FTCDNL1: variants seen among roughly 807,000 people sequenced by gnomAD.
The protein encoded by FTCDNL1 is formiminotransferase cyclodeaminase N-terminal like.
FTCDNL1 carries 11 observed loss-of-function variants against 5.9 expected under a neutral mutation model. That is an observed-to-expected ratio of 1.87 (90% CI 1.18 to 3.10). FTCDNL1 has a LOEUF of 3.10. Ranked by LOEUF, FTCDNL1 falls within the 30% of genes most tolerant of loss-of-function variation. The probability of loss-of-function intolerance (pLI) is 0.00; values close to 1 mark genes in which losing one functional copy is unlikely to be tolerated. For missense variants in FTCDNL1, 115 were observed against 65.5 expected, an observed-to-expected ratio of 1.76 and a Z score of -2.61; for synonymous variants, 58 against 24.8, an observed-to-expected ratio of 2.34 and a Z score of -3.99.
the FTCDNL1 span, among the ~76,000 whole-genome samples, chr2:199,738,284 C>A: frequency 3.9e-5 from 6 of 152,148 alleles, no homozygotes; most frequent in Non-Finnish European, 7.3e-5. Flanking sequence ...GAGATAAAAA[C>A]TACTGTTTTA....
the FTCDNL1 span, among the ~76,000 whole-genome samples, chr2:199,666,797 C>G: frequency 6.6e-6 from 1 of 151,936 alleles, no homozygotes; most frequent in Non-Finnish European, 1.5e-5. Context: ...TGCCTGTAAT[C>G]CCAGCTACTC....
intron 3 of FTCDNL1, among the ~76,000 whole-genome samples, chr2:199,801,882 G>A (rs1356770801): frequency 6.6e-6 from 1 of 150,874 alleles, no homozygotes; most frequent in Non-Finnish European, 1.5e-5. Context: ...AGCTTGCAGT[G>A]AGCCGAGATC....
intron 3 of FTCDNL1, among the ~76,000 whole-genome samples, chr2:199,840,800 TAGAA>T (rs1553553577): frequency 1.0e-4 from 15 of 148,942 alleles, no homozygotes; most frequent in Non-Finnish European, 2.1e-4. Flanking sequence ...TAAAAACAAA[TAGAA>T]AGAGAGGGAA....
chr2:199,706,500 T>C, the FTCDNL1 span, among the ~76,000 whole-genome samples: 1 of 152,212 alleles, frequency 6.6e-6, no homozygotes, highest in African/African-American at 2.4e-5. Context: ...GGTTAAACCA[T>C]TTTAACTACA....
chr2:199,717,909 C>G, the FTCDNL1 span, among the ~76,000 whole-genome samples: 3 of 149,948 alleles, frequency 2.0e-5, no homozygotes, highest in Non-Finnish European at 3.0e-5. Flanking sequence ...GACTCTCCAA[C>G]ATGCTACTTA....
In FTCDNL1 at chr2:199,840,752, A is replaced by G. The variant is rs79252301; in HGVS notation, c.211+5323T>C. On this transcript the variant is annotated intron_variant, in intron 3 of 4. Transcript: ENST00000420128. The stretch of plus-strand genomic sequence containing the variant: ...GAATTTTTAGAATAAACCCCCCTAC[A>G]GTATGTGATTTTTAGCTACATGCCT... 7.3e-4 allele frequency among the ~76,000 whole-genome samples: 111 copies of G among 152,266 alleles called. No homozygotes were observed. The East Asian group carries it at 0.02, about 28-fold the overall frequency.
rs1416936699 is a variant in FTCDNL1, at chr2:199,801,818, G to C, written c.212-40983C>G. Among the ~76,000 whole-genome samples the C allele has an allele frequency of 2.6e-5, 4 of 151,638 alleles. No individual in the cohort carries two copies. In the East Asian group the frequency reaches 7.8e-4, roughly 29 times the overall value. The stretch of plus-strand genomic sequence containing the variant: ...CCAGGCGTAGCGCCGGGTGCCTGTA[G>C]TCCCAGCTATTCAGGAGGCTGAGGC... On this transcript the variant is annotated intron_variant, in intron 3 of 3. Coordinates refer to the FTCDNL1 transcript ENST00000416668.
rs750901155 is a variant in FTCDNL1, at chr2:199,787,608, C to G, written c.212-26773G>C. ...CCACATACATGCAATATAAAACTTGCAGAACTCGTGTCAGAGGTTTGAAAG... is the reference window on the plus strand; with the variant it reads ...CCACATACATGCAATATAAAACTTGGAGAACTCGTGTCAGAGGTTTGAAAG... On this transcript the variant is annotated intron_variant, in intron 3 of 3. Transcript: ENST00000416668. Among the ~76,000 whole-genome samples, 7 of 152,234 alleles carry G rather than the reference C, an allele frequency of 4.6e-5. No homozygotes were observed. The East Asian group carries it at 1.4e-3, about 29-fold the overall frequency.
the FTCDNL1 span, among the ~76,000 whole-genome samples, chr2:199,743,219 A>G: frequency 6.6e-6 from 1 of 152,180 alleles, no homozygotes. Flanking sequence ...AGATGGGGAA[A>G]CTGAGGCTCA....
chr2:199,746,478 G>C, the FTCDNL1 span, among the ~76,000 whole-genome samples: 1 of 152,040 alleles, frequency 6.6e-6, no homozygotes, highest in Non-Finnish European at 1.5e-5. Context: ...CATGGTGCCA[G>C]CTAGGCAGAG....
intron 3 of FTCDNL1, among the ~76,000 whole-genome samples, chr2:199,782,933 G>T (rs907141382): frequency 1.3e-5 from 2 of 152,058 alleles, no homozygotes; most frequent in African/African-American, 4.8e-5. Context: ...TTTTTGGGGT[G>T]GTCATCCTTA....
chr2:199,739,896 T>TTCAG, the FTCDNL1 span, among the ~76,000 whole-genome samples: 2 of 152,134 alleles, frequency 1.3e-5, no homozygotes, highest in African/African-American at 4.8e-5. Context: ...GTAGAAGAAC[T>TTCAG]TCAGTATGGG....
intron 3 of FTCDNL1, among the ~76,000 whole-genome samples, chr2:199,786,228 C>T (rs1199626662): frequency 6.6e-6 from 1 of 151,628 alleles, no homozygotes; most frequent in African/African-American, 2.4e-5. Context: ...CAGGCATGAA[C>T]AGTCTGGGCT....
the FTCDNL1 span, among the ~76,000 whole-genome samples, chr2:199,738,112 T>C: frequency 7.9e-5 from 12 of 152,326 alleles, no homozygotes; most frequent in East Asian, 2.3e-3. Flanking sequence ...TGTCTGCTCA[T>C]TATTCAAAAA....
chr2:199,740,414 C>T, the FTCDNL1 span, among the ~76,000 whole-genome samples: 1 of 152,178 alleles, frequency 6.6e-6, no homozygotes, highest in Non-Finnish European at 1.5e-5. Context: ...TCTCCAGAGC[C>T]TCTGAATCGC....
chr2:199,728,729 A>G, the FTCDNL1 span, among the ~76,000 whole-genome samples: 2 of 152,232 alleles, frequency 1.3e-5, no homozygotes, highest in Non-Finnish European at 2.9e-5. Flanking sequence ...TTGAGCTATC[A>G]TTTGATCACA....
chr2:199,766,859 C>A lies in FTCDNL1; in HGVS notation c.212-6024G>T, dbSNP rs1574450976. ...CACTTCCAGCAATGTTTTCTGACTTCCTCTTGGTGTCTAGACAATAATGAT... is the reference window on the plus strand; with the variant it reads ...CACTTCCAGCAATGTTTTCTGACTTACTCTTGGTGTCTAGACAATAATGAT... On this transcript the variant is annotated intron_variant, in intron 3 of 3. Transcript: ENST00000416668. Among the ~76,000 whole-genome samples, 3 of 152,024 alleles carry A rather than the reference C, an allele frequency of 2.0e-5. No individual in the cohort carries two copies. The South Asian group carries it at 6.2e-4, about 32-fold the overall frequency.
At chr2:199,824,559 C>A (rs1244840585) in intron 3 of FTCDNL1, among the ~76,000 whole-genome samples, 1 of 152,152 alleles carries the variant, frequency 6.6e-6, no homozygotes, top group Non-Finnish European at 1.5e-5. Flanking sequence ...TTTCAACATG[C>A]CTTCTTCACT....
exon 4 of FTCDNL1, chr2:199,760,801 C>A (rs2106241779): frequency 1.4e-6 from 1 of 702,366 alleles, no homozygotes; most frequent in Non-Finnish European, 2.6e-6. Flanking sequence ...GACCTCGCAA[C>A]AGCACTTGCC....
Sources: gnomAD v4.1 joint callset for allele counts (sites outside exome capture counted in the v4.1 genomes callset) on GRCh38, gnomAD v4.1.1 for gene constraint, MANE v1.5 for transcripts, NCBI Gene and HGNC (gene_info 2026-07-23, HGNC 2026-07-21) for gene names.